ENPP2: variants seen among roughly 807,000 people sequenced by gnomAD.
ENPP2 encodes the protein ectonucleotide pyrophosphatase/phosphodiesterase 2, also known as autotaxin.
In ENPP2, 51 loss-of-function variants were observed where a neutral mutation model predicts 120.2. The observed-to-expected ratio is 0.42, with a 90% CI of 0.34 to 0.54. ENPP2 has a LOEUF of 0.54. Ranked by LOEUF, ENPP2 falls within the 20% of genes least tolerant of loss-of-function variation. The pLI is 0.04. For missense variants in ENPP2, 920 were observed against 1,066.5 expected (o/e 0.86, Z 1.91); for synonymous variants, 365 against 366.4 (o/e 1.00, Z 0.04).
intron 22 of ENPP2, among the ~76,000 whole-genome samples, chr8:119,565,517 A>G (rs571808067): frequency 6.6e-6 from 1 of 152,124 alleles, no homozygotes; most frequent in South Asian, 2.1e-4. Context: ...TCCTGCCCCA[A>G]CCCTCGCCTT....
chr8:119,652,221 T>C (rs960607177), intron 1 of ENPP2, among the ~76,000 whole-genome samples: 11 of 152,098 alleles, frequency 7.2e-5, no homozygotes, highest in African/African-American at 2.7e-4. Context: ...TGGGGTCTTT[T>C]ATATAAGAAC....
In ENPP2 at chr8:119,599,354, CAAGTATTGTCAAAATACTT is replaced by C. The variant is rs1282851865; in HGVS notation, c.972+1305_972+1323del. On this transcript the variant is annotated intron_variant, in intron 11 of 24. Coordinates refer to ENST00000075322, the MANE Select transcript of ENPP2 (RefSeq NM_001040092.3). ...CTTATGACTCCTTGGTCACATGCTG[CAAGTATTGTCAAAATACTT>C]AAGTATTGTCAAAAAACTTAAGTAT... Among the ~76,000 whole-genome samples, 9 of 152,214 alleles carry C rather than the reference CAAGTATTGTCAAAATACTT, an allele frequency of 5.9e-5. No homozygotes were observed. The South Asian group carries it at 1.0e-3, about 18-fold the overall frequency.
At chr8:119,604,766 T>C (rs891275813) in intron 9 of ENPP2, among the ~76,000 whole-genome samples, 1 of 152,092 alleles carries the variant, frequency 6.6e-6, no homozygotes, top group African/African-American at 2.4e-5. Context: ...TTATGTTGTT[T>C]TATTTTATTT....
chr8:119,579,213 T>A (rs1335009514), intron 19 of ENPP2, among the ~76,000 whole-genome samples: 1 of 152,228 alleles, frequency 6.6e-6, no homozygotes, highest in Non-Finnish European at 1.5e-5. Context: ...GCATGGTAGA[T>A]TGTGTTATTG....
chr8:119,563,323 G>A (rs181432548), intron 23 of ENPP2, among the ~76,000 whole-genome samples: 267 of 152,264 alleles, frequency 1.8e-3, no homozygotes, highest in Middle Eastern at 0.017. Flanking sequence ...GGCTGGAAGC[G>A]TCAATAAAAG....
intron 14 of ENPP2, 47 bp from the exon 15 acceptor site, chr8:119,586,360 A>G: frequency 1.3e-6 from 2 of 1,590,964 alleles, no homozygotes; most frequent in Non-Finnish European, 8.6e-7. Flanking sequence ...GTCTTTTGGA[A>G]AAATTCTTAC....
intron 24 of ENPP2, among the ~76,000 whole-genome samples, chr8:119,560,137 C>T (rs1813813412): frequency 6.6e-6 from 1 of 152,166 alleles, no homozygotes; most frequent in Admixed American, 6.5e-5. Context: ...CATCTATTCC[C>T]CAGGAATCTA....
At chr8:119,617,344 G>C in intron 6 of ENPP2, 101 bp from the exon 7 acceptor site, 1 of 1,162,428 alleles carries the variant, frequency 8.6e-7, no homozygotes, top group Non-Finnish European at 1.3e-6. Context: ...CTTCACTTCT[G>C]TATTTCAAAT....
At chr8:119,665,802 G>A (rs1358709791) in intron 1 of ENPP2, among the ~76,000 whole-genome samples, 1 of 152,122 alleles carries the variant, frequency 6.6e-6, no homozygotes, top group Non-Finnish European at 1.5e-5. Flanking sequence ...CTTTCTTAGT[G>A]ACTCAATATC....
chr8:119,566,709 C>G (rs1814480441), intron 22 of ENPP2, among the ~76,000 whole-genome samples: 1 of 152,054 alleles, frequency 6.6e-6, no homozygotes, highest in Non-Finnish European at 1.5e-5. Context: ...CTGTGTGTTG[C>G]CTTGATTACC....
chr8:119,623,326 A>G (rs1816041007), intron 3 of ENPP2, among the ~76,000 whole-genome samples: 1 of 151,940 alleles, frequency 6.6e-6, no homozygotes, highest in African/African-American at 2.4e-5. Context: ...TTAGCCGGGC[A>G]TGGTGGTGCA....
intron 11 of ENPP2, among the ~76,000 whole-genome samples, chr8:119,596,552 A>C (rs931621130): frequency 2.7e-4 from 41 of 152,212 alleles, no homozygotes; most frequent in Admixed American, 2.7e-3. Context: ...AAAATTTTAA[A>C]ACCAAGGACG....
intron 2 of ENPP2, among the ~76,000 whole-genome samples, chr8:119,630,293 A>AGACAG (rs1816573846): frequency 6.6e-6 from 1 of 152,066 alleles, no homozygotes; most frequent in Non-Finnish European, 1.5e-5. Context: ...TTTTTAGTAG[A>AGACAG]GACAGGGTTT....
Position 119,570,817 on chromosome 8 carries a change from G to A in ENPP2, c.1805C>T (p.Pro602Leu). Residue 602 changes from proline to leucine, a missense_variant, in exon 20 of 25, where the codon CCT (proline) becomes CTT (leucine). By Grantham distance (98) the Pro-to-Leu change is moderately conservative. Coordinates refer to ENST00000075322, the MANE Select transcript of ENPP2 (RefSeq NM_001040092.3). Reference sequence around the variant, plus strand: ...ATATCTAGTCCGATAAAGCACTGCAGGTCGCCCATAGAGGAGGTGTCTCTC... The same window carrying A: ...ATATCTAGTCCGATAAAGCACTGCAAGTCGCCCATAGAGGAGGTGTCTCTC... ...TEERHLLYGR[P>L]AVLYRTRYDI... is the part of the protein sequence containing the mutation. 3 of 1,572,436 alleles carry A rather than the reference G, an allele frequency of 1.9e-6. No homozygotes were observed. Among genetic ancestry groups the A allele is most frequent in the Non-Finnish European group, 2.6e-6 (3 of 1,163,718 alleles).
chr8:119,650,365 T>C (rs970833318), intron 1 of ENPP2, among the ~76,000 whole-genome samples: 12 of 152,204 alleles, frequency 7.9e-5, no homozygotes, highest in Non-Finnish European at 1.3e-4. Flanking sequence ...AGTTTTTGTT[T>C]TGGAGTGATG....
intron 5 of ENPP2, 123 bp downstream of exon 5, chr8:119,619,121 A>G: frequency 2.8e-6 from 2 of 708,370 alleles, no homozygotes; most frequent in Non-Finnish European, 4.9e-6. Flanking sequence ...CTAAGTACTC[A>G]TAAGTTTGCC....
intron 13 of ENPP2, among the ~76,000 whole-genome samples, chr8:119,589,131 C>T (rs981643187): frequency 2.6e-5 from 4 of 152,138 alleles, no homozygotes; most frequent in Non-Finnish European, 4.4e-5. Context: ...ATCATCATAT[C>T]CAACCTTTAT....
chr8:119,620,525 ACTT>A (rs1815816039), intron 4 of ENPP2, among the ~76,000 whole-genome samples: 5 of 152,330 alleles, frequency 3.3e-5, no homozygotes, highest in East Asian at 1.9e-4. Context: ...CTTTTAATGA[ACTT>A]CTTCTTAAAT....
chr8:119,621,581 A>G (rs532632929), intron 3 of ENPP2, 62 bp from the exon 4 acceptor site: 170 of 1,557,800 alleles, frequency 1.1e-4, no homozygotes, highest in Non-Finnish European at 1.4e-4. Flanking sequence ...AGAAGCCACA[A>G]TTGCTTACAG....
Sources: gnomAD v4.1 joint callset for allele counts (sites outside exome capture counted in the v4.1 genomes callset) on GRCh38, gnomAD v4.1.1 for gene constraint, MANE v1.5 for transcripts, NCBI Gene and HGNC (gene_info 2026-07-23, HGNC 2026-07-21) for gene names.